CCDC149: variants seen among roughly 807,000 people sequenced by gnomAD.
The protein encoded by CCDC149 is coiled-coil domain containing 149, also known as coiled-coil domain-containing protein 149.
In CCDC149, 45 loss-of-function variants were observed where a neutral mutation model predicts 59.9. That is an observed-to-expected ratio of 0.75 (90% CI 0.59 to 0.96). CCDC149 has a LOEUF of 0.96. Among genes scored for constraint, CCDC149 ranks in the 40% least tolerant of loss-of-function variants. CCDC149 has a pLI of 0.00. For synonymous variants in CCDC149, 245 were observed against 260.6 expected, an observed-to-expected ratio of 0.94 and a Z score of 0.58; for missense variants, 584 against 664.7, an observed-to-expected ratio of 0.88 and a Z score of 1.33.
chr4:24,821,299 G>A lies in CCDC149; in HGVS notation c.1043-212C>T, dbSNP rs1715376649. Among the ~76,000 whole-genome samples, 11 of 152,230 alleles carry A rather than the reference G, an allele frequency of 7.2e-5. No individual in the cohort carries two copies. In the South Asian group the frequency reaches 2.3e-3, roughly 32 times the overall value. Reference sequence around the variant, plus strand: ...AAAATAAAAACCCCCGTTCATGCATGGAAATGGCAATCTCACTGTACAAAT... The same window carrying A: ...AAAATAAAAACCCCCGTTCATGCATAGAAATGGCAATCTCACTGTACAAAT... On this transcript the variant is annotated intron_variant, in intron 10 of 12. Transcript: ENST00000635206.
Position 24,837,688 on chromosome 4 carries a change from C to T in CCDC149, c.490-288G>A, listed in dbSNP as rs572093956. ...ATGCCCTGCAGCTGCCAGTGTCTTA[C>T]AAATCCATACTTTTTCAAATCCACT... On this transcript the variant is annotated intron_variant, in intron 5 of 12. Transcript: ENST00000635206. This position sits in a 1 kb window ranked among gnomAD's most constrained non-coding sequence, Gnocchi z 4.3. Among the ~76,000 whole-genome samples the T allele has an allele frequency of 6.6e-6, 1 of 152,336 alleles. No homozygotes were observed. The highest frequency in any genetic ancestry group is 1.9e-4 in the East Asian group (1 of 5,186).
chr4:24,950,466 C>G (rs1560266936), intron 1 of CCDC149, among the ~76,000 whole-genome samples: 1 of 152,100 alleles, frequency 6.6e-6, no homozygotes, highest in Non-Finnish European at 1.5e-5. Flanking sequence ...CAGTATGGAC[C>G]CCAAATCGAG....
rs1450792966 is a variant in CCDC149 at position 24,808,305 on chromosome 4, C to G, written c.*84G>C. 1 of 1,266,444 alleles carries G rather than the reference C, an allele frequency of 7.9e-7. No individual in the cohort carries two copies. 78.5% of individuals were successfully genotyped at this position (1,266,444 alleles called of 1,614,324 possible). A position where few individuals can be genotyped will look rare whatever the true frequency, so the allele number is the denominator to read the frequency against. On this transcript the variant is annotated 3_prime_UTR_variant, in exon 13 of 13. Transcript: ENST00000635206. Reference sequence around the variant, plus strand: ...GACTCGGAGGTATTTCAGGAGAAGGCGACGTGAGCGCACCATTCCGATGCT... The same window carrying G: ...GACTCGGAGGTATTTCAGGAGAAGGGGACGTGAGCGCACCATTCCGATGCT...
chr4:24,831,367 T>C, intron 9 of CCDC149, 139 bp downstream of exon 9: 1 of 801,534 alleles, frequency 1.2e-6, no homozygotes, highest in South Asian at 1.8e-5. Context: ...ACCATTCTAG[T>C]TTAATAAGTT....
intron 3 of CCDC149, among the ~76,000 whole-genome samples, chr4:24,860,351 C>T (rs1015374761): frequency 5.9e-5 from 9 of 152,112 alleles, no homozygotes; most frequent in African/African-American, 2.2e-4. Flanking sequence ...GGAAAGGACA[C>T]CCTATTCAAC....
In CCDC149 at chr4:24,953,601, G is replaced by A. The variant is rs567438820; in HGVS notation, c.-65+26468C>T. On this transcript the variant is annotated intron_variant, in intron 1 of 12. Coordinates refer to the CCDC149 transcript ENST00000389609. The stretch of plus-strand genomic sequence containing the variant: ...AGATGATCTGATTTCTAGTAGTACC[G>A]GATTATTATATACAAATGTCTAGTT... 1.6e-4 allele frequency among the ~76,000 whole-genome samples: 25 copies of A among 152,168 alleles called. 1 individual carries two copies. Among genetic ancestry groups the A allele is most frequent in the South Asian group, 1.0e-3 (5 of 4,824 alleles).
At chr4:24,938,656 G>A (rs919294829) in intron 1 of CCDC149, among the ~76,000 whole-genome samples, 22 of 152,312 alleles carry the variant, frequency 1.4e-4, no homozygotes, top group African/African-American at 5.3e-4. Context: ...CAAAGAAAGG[G>A]GTGACAGACA....
chr4:24,902,615 C>G (rs903592967), intron 1 of CCDC149, among the ~76,000 whole-genome samples: 1 of 152,184 alleles, frequency 6.6e-6, no homozygotes, highest in African/African-American at 2.4e-5. Flanking sequence ...AGTTCAACTT[C>G]TAAGAAGCTT....
At chr4:24,893,443 C>G (rs1720640828) in intron 1 of CCDC149, among the ~76,000 whole-genome samples, 1 of 151,932 alleles carries the variant, frequency 6.6e-6, no homozygotes, top group Non-Finnish European at 1.5e-5. Context: ...ATTGGACACC[C>G]AATATTGTAA....
intron 1 of CCDC149, among the ~76,000 whole-genome samples, chr4:24,931,850 T>TATATATATATATATATATAG (rs1722602154): frequency 7.1e-6 from 1 of 141,156 alleles, no homozygotes; most frequent in African/African-American, 2.7e-5. Flanking sequence ...TATATATATA[T>TATATATATATATATATATAG]ATGCATAATC....
chr4:24,912,947 C>G lies in CCDC149; in HGVS notation c.-68G>C. On this transcript the variant is annotated 5_prime_UTR_variant, in exon 1 of 13. Transcript: ENST00000635206. The stretch of plus-strand genomic sequence containing the variant: ...GCGACGTCGCGTCGCCGCCGCCGCC[C>G]GGGCCCCGCGCGGCCCCGAGAGGGC... 1.1e-6 allele frequency: 1 copy of G among 950,830 alleles called. No homozygotes were observed. The highest frequency in any genetic ancestry group is 1.3e-6 in the Non-Finnish European group (1 of 741,760). 58.9% of individuals were successfully genotyped at this position (950,830 alleles called of 1,614,324 possible).
intron 12 of CCDC149, among the ~76,000 whole-genome samples, chr4:24,819,319 C>T (rs1205793499): frequency 6.6e-6 from 1 of 152,134 alleles, no homozygotes; most frequent in African/African-American, 2.4e-5. Flanking sequence ...CTCCAGGGTC[C>T]TCACTCTTTA....
intron 3 of CCDC149, among the ~76,000 whole-genome samples, chr4:24,869,224 G>A (rs999352872): frequency 6.6e-6 from 1 of 152,212 alleles, no homozygotes; most frequent in Non-Finnish European, 1.5e-5. Context: ...CAGGCCATTG[G>A]CCTGAGCCTG....
At chr4:24,969,855 G>A (rs543784113) in intron 1 of CCDC149, among the ~76,000 whole-genome samples, 3 of 152,208 alleles carry the variant, frequency 2.0e-5, no homozygotes, top group African/African-American at 4.8e-5. Context: ...AGCTCCCTTG[G>A]GGGAGGGCCT....
intron 5 of CCDC149, 88 bp downstream of exon 5, chr4:24,838,068 G>C: frequency 9.5e-7 from 1 of 1,056,226 alleles, no homozygotes; most frequent in Non-Finnish European, 1.5e-6. Context: ...CCCATACTCT[G>C]AGAAACGAGG....
chr4:24,835,080 A>T, intron 7 of CCDC149, 48 bp from the exon 8 acceptor site: 1 of 1,367,528 alleles, frequency 7.3e-7, no homozygotes, highest in Non-Finnish European at 1.0e-6. Context: ...AAAGCCAACA[A>T]TGGAAAAGTA....
intron 1 of CCDC149, among the ~76,000 whole-genome samples, chr4:24,976,374 G>C (rs1424674344): frequency 6.6e-6 from 1 of 152,116 alleles, no homozygotes; most frequent in African/African-American, 2.4e-5. Context: ...AAGGGCTGGA[G>C]AAGGTGGAAA....
chr4:24,856,639 A>G (rs1393652605), intron 3 of CCDC149, among the ~76,000 whole-genome samples: 2 of 152,224 alleles, frequency 1.3e-5, no homozygotes, highest in Non-Finnish European at 2.9e-5. Flanking sequence ...GCGCAGCTCA[A>G]GGCCACAAGA....
intron 12 of CCDC149, among the ~76,000 whole-genome samples, chr4:24,814,846 C>CT (rs1309972478): frequency 6.6e-6 from 1 of 152,208 alleles, no homozygotes; most frequent in Non-Finnish European, 1.5e-5. Context: ...TCCAGCCACA[C>CT]TGAGCCCCTT....
Sources: allele counts gnomAD v4.1 joint callset (sites outside exome capture counted in the v4.1 genomes callset), GRCh38; gene constraint gnomAD v4.1.1; non-coding constraint Gnocchi (gnomAD v3.1); transcripts MANE v1.5; gene names NCBI Gene and HGNC (gene_info 2026-07-23, HGNC 2026-07-21).